The following GRK4 variants were observed in gnomAD, a reference collection of about 807,000 sequenced individuals.
GRK4 encodes the protein G protein-coupled receptor kinase 4.
A neutral mutation model predicts 77.9 loss-of-function variants in GRK4; 73 were observed. The observed-to-expected ratio is 0.94, with a 90% CI of 0.78 to 1.14. The LOEUF is 1.14. GRK4 is among the 50% of genes most tolerant of loss of function. The probability of loss-of-function intolerance (pLI) is 0.00; values close to 1 mark genes in which losing one functional copy is unlikely to be tolerated. For synonymous variants in GRK4, 257 were observed against 254.4 expected (o/e 1.01, Z -0.10); for missense variants, 729 against 700.2 (o/e 1.04, Z -0.46).
At chr4:3,035,331 T>C in intron 12 of GRK4, 55 bp from the exon 13 acceptor site, 1 of 1,592,486 alleles carries the variant, frequency 6.3e-7, no homozygotes, top group South Asian at 1.1e-5. Flanking sequence ...AGGGGAGTTT[T>C]GAGTTTTCAT....
At chr4:3,000,852 G>A (rs6826590) in intron 4 of GRK4, among the ~76,000 whole-genome samples, 2,477 of 152,090 alleles carry the variant, frequency 0.016, 61 homozygotes, top group African/African-American at 0.057. Context: ...ACAGGCGTGA[G>A]CCACGGCGCC....
At chr4:3,023,191 C>T (rs986266218) in intron 10 of GRK4, among the ~76,000 whole-genome samples, 3 of 152,150 alleles carry the variant, frequency 2.0e-5, no homozygotes, top group African/African-American at 7.2e-5. Context: ...TAATAGTGGA[C>T]AGGGAGTGGC....
intron 3 of GRK4, among the ~76,000 whole-genome samples, chr4:2,991,818 T>C (rs888907560): frequency 1.3e-5 from 2 of 152,178 alleles, no homozygotes; most frequent in Non-Finnish European, 2.9e-5. Flanking sequence ...GGCCCTGAGA[T>C]ATCTTTAATG....
intron 3 of GRK4, among the ~76,000 whole-genome samples, chr4:2,989,870 C>T (rs531232737): frequency 1.2e-4 from 18 of 152,288 alleles, no homozygotes; most frequent in Admixed American, 2.0e-4. Flanking sequence ...GAAGCCTAGA[C>T]TTTCAAAGCT....
chr4:2,978,352 A>G (rs1255112970), intron 1 of GRK4, among the ~76,000 whole-genome samples: 4 of 152,218 alleles, frequency 2.6e-5, no homozygotes, highest in Admixed American at 2.0e-4. Flanking sequence ...TCTATTGTCA[A>G]TCTAAAAAAA....
At chr4:3,033,333 A>G (rs1739679171) in intron 12 of GRK4, among the ~76,000 whole-genome samples, 1 of 152,142 alleles carries the variant, frequency 6.6e-6, no homozygotes, top group African/African-American at 2.4e-5. Flanking sequence ...AATGGCAGGA[A>G]TCCCATTCAC....
intron 2 of GRK4, chr4:2,986,960 A>T (rs1219348079): frequency 3.2e-6 from 1 of 313,904 alleles, no homozygotes; most frequent in African/African-American, 2.2e-5. Flanking sequence ...CTTCTTGAAG[A>T]TATAATTCAT....
At chr4:3,015,891 T>C (rs1346724054) in intron 8 of GRK4, among the ~76,000 whole-genome samples, 4 of 145,158 alleles carry the variant, frequency 2.8e-5, no homozygotes, top group Middle Eastern at 3.5e-3. Context: ...CTGGGCAACA[T>C]AGGGAGACCC....
At chr4:3,035,354 G>A in intron 12 of GRK4, 32 bp from the exon 13 acceptor site, 1 of 1,612,950 alleles carries the variant, frequency 6.2e-7, no homozygotes, top group Non-Finnish European at 8.5e-7. Flanking sequence ...TTATCCAGAG[G>A]CTCAAGTGGG....
chr4:3,007,933 T>G, intron 6 of GRK4, 105 bp downstream of exon 6: 1 of 737,978 alleles, frequency 1.4e-6, no homozygotes. Flanking sequence ...AGCCCAAGAC[T>G]TCAAGGCTAT....
chr4:2,996,657 T>TA (rs1190817317), intron 4 of GRK4, among the ~76,000 whole-genome samples: 1 of 151,942 alleles, frequency 6.6e-6, no homozygotes, highest in African/African-American at 2.4e-5. Context: ...AATGTTTAGA[T>TA]AATAGCACTT....
Position 2,988,846 on chromosome 4 carries a change from A to C in GRK4, c.261+7A>C. On this transcript the variant is annotated splice_region_variant and intron_variant, in intron 3 of 15. Coordinates refer to ENST00000398052, the MANE Select transcript of GRK4 (RefSeq NM_182982.3). ...TGAATTCTTGGATGCAGTGGTGAGC[A>C]GTTTATCTCCATATTGAGCAACCAC... 1 of 1,523,550 alleles carries C rather than the reference A, an allele frequency of 6.6e-7. No homozygotes were observed. The highest frequency in any genetic ancestry group is 9.1e-7 in the Non-Finnish European group (1 of 1,097,580). 94.4% of individuals were successfully genotyped at this position (1,523,550 alleles called of 1,614,324 possible). A position where few individuals can be genotyped will look rare whatever the true frequency, so the allele number is the denominator to read the frequency against.
At position 2,975,132 on chromosome 4, in the gene GRK4, G is replaced by C. The variant is rs915182276; in HGVS notation, c.53-9381G>C. On this transcript the variant is annotated intron_variant, in intron 1 of 15. Coordinates refer to ENST00000398052, the MANE Select transcript of GRK4 (RefSeq NM_182982.3). ...ATCCTGGCCAACATGGTGAAACCCTGTCTCTACCAAAAATACAAAAATTAG... is the reference window on the plus strand; with the variant it reads ...ATCCTGGCCAACATGGTGAAACCCTCTCTCTACCAAAAATACAAAAATTAG... Among the ~76,000 whole-genome samples the C allele has an allele frequency of 1.2e-4, 18 of 152,264 alleles. No homozygotes were observed. In the South Asian group the frequency reaches 1.2e-3, roughly 11 times the overall value.
intron 1 of GRK4, among the ~76,000 whole-genome samples, chr4:2,968,037 C>T (rs1443899440): frequency 1.3e-5 from 2 of 151,024 alleles, no homozygotes; most frequent in African/African-American, 4.9e-5. Flanking sequence ...GTGATCCACC[C>T]GCCTCAGCCT....
intron 7 of GRK4, among the ~76,000 whole-genome samples, chr4:3,011,285 T>G (rs1035033316): frequency 4.6e-5 from 7 of 152,146 alleles, no homozygotes; most frequent in African/African-American, 1.7e-4. Flanking sequence ...TTTTAGCTAT[T>G]GTGAAAGACC....
intron 1 of GRK4, among the ~76,000 whole-genome samples, chr4:2,977,107 G>T (rs2109473363): frequency 6.6e-6 from 1 of 152,228 alleles, no homozygotes; most frequent in African/African-American, 2.4e-5. Flanking sequence ...ACTGTTTGGG[G>T]GTCCAGGAAC....
intron 3 of GRK4, among the ~76,000 whole-genome samples, chr4:2,989,861 A>G (rs1263173312): frequency 2.0e-5 from 3 of 152,220 alleles, no homozygotes; most frequent in Non-Finnish European, 4.4e-5. Flanking sequence ...TACCATTGGG[A>G]AGCCTAGACT....
chr4:3,029,527 C>T, intron 12 of GRK4, 118 bp downstream of exon 12: 2 of 770,758 alleles, frequency 2.6e-6, no homozygotes, highest in South Asian at 1.7e-5. Flanking sequence ...TGGTCACCCA[C>T]CTCCCAGGCC....
intron 5 of GRK4, among the ~76,000 whole-genome samples, chr4:3,004,538 C>G (rs1353102515): frequency 6.6e-6 from 1 of 152,198 alleles, no homozygotes; most frequent in Non-Finnish European, 1.5e-5. Context: ...AAAAGCTTAA[C>G]TACCATTAGC....
Sources: allele counts gnomAD v4.1 joint callset (sites outside exome capture counted in the v4.1 genomes callset), GRCh38; gene constraint gnomAD v4.1.1; transcripts MANE v1.5; gene names NCBI Gene and HGNC (gene_info 2026-07-23, HGNC 2026-07-21).